OGN: variants seen among roughly 807,000 people sequenced by gnomAD.
The protein encoded by OGN is mimecan.
Under a neutral mutation model 30.8 loss-of-function variants are expected in OGN, and 19 were observed. The ratio of observed to expected loss-of-function variants is 0.62; its 90% confidence interval spans 0.43 to 0.90. OGN has a LOEUF of 0.90. OGN is among the 40% of genes least tolerant of loss of function. The pLI, the probability that OGN is intolerant of heterozygous loss-of-function variation, is 0.00. For missense variants in OGN, 283 were observed against 349.7 expected (o/e 0.81, Z 1.52); for synonymous variants, 126 against 128.3 (o/e 0.98, Z 0.12).
intron 3 of OGN, among the ~76,000 whole-genome samples, chr9:92,399,650 C>G (rs1843028312): frequency 6.6e-6 from 1 of 152,188 alleles, no homozygotes; most frequent in African/African-American, 2.4e-5. Context: ...TCATTTTATA[C>G]ATTCAGATTG....
chr9:92,402,633 C>T (rs1246916802), intron 2 of OGN, among the ~76,000 whole-genome samples: 1 of 152,106 alleles, frequency 6.6e-6, no homozygotes, highest in East Asian at 1.9e-4. Context: ...AGTGTTAACT[C>T]AAAGACAGTT....
intron 4 of OGN, among the ~76,000 whole-genome samples, chr9:92,391,172 G>A (rs901121787): frequency 2.6e-5 from 4 of 151,606 alleles, no homozygotes; most frequent in East Asian, 1.9e-4. Flanking sequence ...CAAGGTGGGC[G>A]GATCATGAGG....
At chr9:92,390,563 A>AGTGTGTGTGT (rs61628295) in intron 4 of OGN, among the ~76,000 whole-genome samples, 80 of 150,546 alleles carry the variant, frequency 5.3e-4, no homozygotes, top group African/African-American at 1.8e-3. Context: ...AGAGAAATTC[A>AGTGTGTGTGT]GTGTGTGTGT....
chr9:92,390,587 T>TGTGTGCGCGCGCGC (rs749697394), intron 4 of OGN, among the ~76,000 whole-genome samples: 1 of 141,814 alleles, frequency 7.1e-6, no homozygotes, highest in Admixed American at 7.2e-5. Context: ...TGTGTGTGTG[T>TGTGTGCGCGCGCGC]GCGCGCGCGC....
At position 92,388,160 on chromosome 9, in the gene OGN, C is replaced by T. The variant is rs1842511252; in HGVS notation, c.630+1694G>A. Among the ~76,000 whole-genome samples, 3 of 151,690 alleles carry T rather than the reference C, an allele frequency of 2.0e-5. No homozygotes were observed. In the South Asian group the frequency reaches 6.3e-4, roughly 32 times the overall value. ...AATGTTCTTTTTGTGAAATGTTGAT[C>T]AGCTCCTTTTTTTTTGGAGACTGAA... is the stretch of plus-strand genomic sequence containing the variant. On this transcript the variant is annotated intron_variant, in intron 5 of 6. Coordinates refer to ENST00000375561, the MANE Select transcript of OGN (RefSeq NM_014057.5).
intron 2 of OGN, 123 bp downstream of exon 2, chr9:92,403,111 G>T (rs371195843): frequency 6.6e-6 from 4 of 606,080 alleles, no homozygotes; most frequent in Admixed American, 6.4e-5. Flanking sequence ...TTATGAATTC[G>T]TTTGAATCAT....
intron 4 of OGN, among the ~76,000 whole-genome samples, chr9:92,392,862 A>T (rs1842743374): frequency 6.6e-6 from 1 of 152,188 alleles, no homozygotes; most frequent in Non-Finnish European, 1.5e-5. Flanking sequence ...ATGGGCTGTC[A>T]TCATAGACAG....
At chr9:92,399,758 AT>A (rs1390393050) in intron 3 of OGN, among the ~76,000 whole-genome samples, 1 of 152,024 alleles carries the variant, frequency 6.6e-6, no homozygotes, top group Non-Finnish European at 1.5e-5. Flanking sequence ...TAAAAAGACC[AT>A]TTTTGCTTCA....
chr9:92,398,806 C>T (rs1406842583), intron 3 of OGN, among the ~76,000 whole-genome samples: 2 of 152,102 alleles, frequency 1.3e-5, no homozygotes, highest in Non-Finnish European at 2.9e-5. Flanking sequence ...AGTGGTGGCT[C>T]ACGCCTGTAA....
At chr9:92,393,518 A>C (rs934915326) in intron 3 of OGN, among the ~76,000 whole-genome samples, 1 of 152,292 alleles carries the variant, frequency 6.6e-6, no homozygotes, top group Middle Eastern at 3.4e-3. Context: ...AAACCAAAAA[A>C]ATTTACAAAG....
At chr9:92,387,324 C>T (rs954812995) in intron 5 of OGN, among the ~76,000 whole-genome samples, 3 of 149,678 alleles carry the variant, frequency 2.0e-5, no homozygotes, top group Non-Finnish European at 3.0e-5. Context: ...TGCAGTGAGC[C>T]GAGATTGTGC....
intron 5 of OGN, among the ~76,000 whole-genome samples, chr9:92,388,138 GT>G (rs1377568794): frequency 1.3e-4 from 19 of 151,984 alleles, no homozygotes; most frequent in African/African-American, 4.4e-4. Context: ...ATATTCAAAT[GT>G]TCTTTTTGTG....
chr9:92,398,141 A>G (rs943067748), intron 3 of OGN, among the ~76,000 whole-genome samples: 2 of 152,196 alleles, frequency 1.3e-5, no homozygotes, highest in African/African-American at 2.4e-5. Context: ...CTGGAACTTC[A>G]TATTTGTTTA....
chr9:92,386,352 A>T, intron 5 of OGN, 56 bp from the exon 6 acceptor site: 1 of 1,086,392 alleles, frequency 9.2e-7, no homozygotes, highest in Non-Finnish European at 1.4e-6. Flanking sequence ...CTTTCACAGG[A>T]TTCAAGCAAT....
At chr9:92,393,307 GT>G in intron 3 of OGN, 63 bp from the exon 4 acceptor site, 1 of 1,292,126 alleles carries the variant, frequency 7.7e-7, no homozygotes, top group Non-Finnish European at 1.1e-6. Flanking sequence ...TCCTCTAGTA[GT>G]AAAATTATTG....
chr9:92,386,202 T>C lies in OGN; in HGVS notation c.725A>G (p.Gln242Arg), dbSNP rs1226972092. The change falls in exon 6 of 7, where the codon CAG (glutamine) becomes CGG (arginine). Residue 242 changes from glutamine to arginine, a missense_variant and splice_region_variant. By Grantham distance (43) the Gln-to-Arg change is conservative (BLOSUM62 1). Transcript: ENST00000375561. ...LPESLRVIHLQFNNIASITDD... is the reference protein window; with the variant it reads ...LPESLRVIHLRFNNIASITDD... ...ATATTGTGAAAGGAACTATCATACC[T>C]GAAGATGAATTACACGTAGACTTTC... 3 of 1,595,636 alleles carry C rather than the reference T, an allele frequency of 1.9e-6. No individual in the cohort carries two copies. Among genetic ancestry groups the C allele is most frequent in the South Asian group, 1.1e-5 (1 of 90,642 alleles).
rs780004291 is a variant in OGN at position 92,384,887 on chromosome 9, T to G, written c.*733A>C. On this transcript the variant is annotated 3_prime_UTR_variant, in exon 7 of 7. Coordinates refer to ENST00000375561, the MANE Select transcript of OGN (RefSeq NM_014057.5). ...ATTATTTCTTATAAGCATATTGGTT[T>G]TGGCCTGCTTGAGTTTAAAACTTTT... is the stretch of plus-strand genomic sequence containing the variant. The G allele has an allele frequency of 5.2e-5, 8 of 152,526 alleles. No individual in the cohort carries two copies. Among genetic ancestry groups the G allele is most frequent in the Non-Finnish European group, 1.2e-4 (8 of 67,998 alleles). 9.4% of individuals were successfully genotyped at this position (152,526 alleles called of 1,614,324 possible). A position where few individuals can be genotyped will look rare whatever the true frequency, so the allele number is the denominator to read the frequency against.
intron 3 of OGN, among the ~76,000 whole-genome samples, chr9:92,393,557 T>G (rs1842774158): frequency 6.6e-6 from 1 of 152,214 alleles, no homozygotes; most frequent in Non-Finnish European, 1.5e-5. Flanking sequence ...TGAGCTTGAC[T>G]TATTAAGTTT....
rs551512810 is a variant in OGN at position 92,383,904 on chromosome 9, G to T, written c.*1716C>A. 2.0e-5 allele frequency: 3 copies of T among 152,130 alleles called. No individual in the cohort carries two copies. The highest frequency in any genetic ancestry group is 2.1e-4 in the South Asian group (1 of 4,814). 9.4% of individuals were successfully genotyped at this position (152,130 alleles called of 1,614,324 possible). On this transcript the variant is annotated 3_prime_UTR_variant, in exon 7 of 7. Transcript: ENST00000375561. ...ACATTATTTTTCTGAAAACTAGAAA[G>T]ATGACAGTCATTCAAGATTATGATA...
Sources: gnomAD v4.1 joint callset for allele counts (sites outside exome capture counted in the v4.1 genomes callset) on GRCh38, gnomAD v4.1.1 for gene constraint, MANE v1.5 for transcripts, NCBI Gene and HGNC (gene_info 2026-07-23, HGNC 2026-07-21) for gene names.